Variants in RNASEL observed in about 807,000 individuals in gnomAD.
The protein encoded by RNASEL is ribonuclease L.
RNASEL carries 36 observed loss-of-function variants against 50.9 expected under a neutral mutation model. The ratio of observed to expected loss-of-function variants is 0.71; its 90% CI spans 0.54 to 0.93. The LOEUF (loss-of-function observed/expected upper bound fraction) is 0.93, where lower values mean the gene tolerates loss of function less well. Among genes scored for constraint, RNASEL ranks in the 40% least tolerant of loss-of-function variants. RNASEL has a pLI of 0.00. For synonymous variants in RNASEL, 335 were observed against 335.6 expected (o/e 1.00, Z 0.02); for missense variants, 860 against 894.5 (o/e 0.96, Z 0.49).
chr1:182,584,878 G>A (rs754304044), intron 2 of RNASEL, among the ~76,000 whole-genome samples: 2 of 152,108 alleles, frequency 1.3e-5, no homozygotes, highest in Non-Finnish European at 2.9e-5. Context: ...GTTTGGCTTG[G>A]ACTAGTGGAT....
At position 182,586,266 on chromosome 1, in the gene RNASEL, C is replaced by T. The variant is rs779087511; in HGVS notation, c.541G>A (p.Val181Ile). 6.8e-6 allele frequency: 11 copies of T among 1,614,084 alleles called. No individual in the cohort carries two copies. The highest frequency in any genetic ancestry group is 9.3e-6 in the Non-Finnish European group (11 of 1,180,044). ...ALMDAAEKGH[V>I]EVLKILLDEM... ...TCAAGGAGAATCTTCAAGACCTCTA[C>T]GTGTCCTTTTTCAGCAGCGTCCATG... Residue 181 changes from valine to isoleucine, a missense_variant, in exon 2 of 7, where the codon GTA becomes ATA. By Grantham distance (29) the Val-to-Ile change is conservative. Coordinates refer to ENST00000367559, the MANE Select transcript of RNASEL (RefSeq NM_021133.4).
chr1:182,576,863 C>G (rs1377238834), intron 5 of RNASEL: 1 of 151,696 alleles, frequency 6.6e-6, no homozygotes, highest in African/African-American at 2.4e-5. Context: ...CAGAGCAAGA[C>G]TCCATCTCAA....
chr1:182,584,228 T>C, intron 2 of RNASEL, 62 bp from the exon 3 acceptor site: 1 of 1,049,216 alleles, frequency 9.5e-7, no homozygotes, highest in Non-Finnish European at 1.5e-6. Context: ...GAGAGTCAAT[T>C]GATTTATATA....
chr1:182,586,021 C>G lies in RNASEL; in HGVS notation c.786G>C (p.Glu262Asp). Reference protein sequence around the residue: ...LGLVQRLLEQEHIEINDTDSD... With the variant: ...LGLVQRLLEQDHIEINDTDSD... ...TGTCTGTGTCATTAATCTCTATGTGCTCTTGCTCCAGAAGCCTCTGCACCA... is the reference window on the plus strand; with the variant it reads ...TGTCTGTGTCATTAATCTCTATGTGGTCTTGCTCCAGAAGCCTCTGCACCA... The change falls in exon 2 of 7, where the codon GAG (glutamate) becomes GAC (aspartate). Residue 262 changes from glutamate to aspartate, a missense_variant. Physicochemically the swap from Glu to Asp is conservative, Grantham distance 45. Coordinates refer to ENST00000367559, the MANE Select transcript of RNASEL (RefSeq NM_021133.4). 6.2e-7 allele frequency: 1 copy of G among 1,614,084 alleles called. No individual in the cohort carries two copies. The highest frequency in any genetic ancestry group is 8.5e-7 in the Non-Finnish European group (1 of 1,180,022).
At position 182,574,681 on chromosome 1, in the gene RNASEL, A is replaced by C. The variant is rs1360623556; in HGVS notation, c.*711T>G. 1 of 232,594 alleles carries C rather than the reference A, an allele frequency of 4.3e-6. No individual in the cohort carries two copies. Among genetic ancestry groups the C allele is most frequent in the Admixed American group, 5.6e-5 (1 of 17,724 alleles). 14.4% of individuals were successfully genotyped at this position (232,594 alleles called of 1,614,324 possible). On this transcript the variant is annotated 3_prime_UTR_variant, in exon 7 of 7. Coordinates refer to ENST00000367559, the MANE Select transcript of RNASEL (RefSeq NM_021133.4). ...CTCCCCACAAAGCTGTGACACCAAA[A>C]ACTTCTTCAGACTCTGCCAAATGCT...
intron 3 of RNASEL, 73 bp downstream of exon 3, chr1:182,584,008 A>C: frequency 9.1e-6 from 10 of 1,100,118 alleles, no homozygotes; most frequent in Non-Finnish European, 1.4e-5. Context: ...CTGTCCCTCT[A>C]GAGAACCCTG....
chr1:182,581,473 C>CTTTTTTTTTTTTTTTTTTTTTTTT (rs1011639686), intron 4 of RNASEL, 116 bp from the exon 5 acceptor site: 1 of 219,280 alleles, frequency 4.6e-6, no homozygotes. Context: ...GTTTTTCTTT[C>CTTTTTTTTTTTTTTTTTTTTTTTT]TTTTTTTTTT....
chr1:182,582,218 C>T lies in RNASEL; in HGVS notation c.1607G>A (p.Ser536Asn), dbSNP rs371715795. Residue 536 changes from serine (S) to asparagine (N), a missense_variant, in exon 4 of 7, where the codon AGC becomes AAC. Transcript: ENST00000367559. ...RLVLYVVKKG[S>N]ISFEDLKAQS... Reference sequence around the variant, plus strand: ...AGCTTTCAGATCCTCAAATGAGATGCTTCCCTTCTTTACCACATAGAGGAC... The same window carrying T: ...AGCTTTCAGATCCTCAAATGAGATGTTTCCCTTCTTTACCACATAGAGGAC... 5 of 1,614,028 alleles carry T rather than the reference C, an allele frequency of 3.1e-6. No homozygotes were observed. In the African/African-American group the frequency reaches 4.0e-5, roughly 13 times the overall value.
intron 5 of RNASEL, chr1:182,576,815 A>T (rs6424863): frequency 1 from 166,718 of 166,718 alleles, 83,359 homozygotes; most frequent in Non-Finnish European, 1. Context: ...GAGGTTGCAG[A>T]GAGCTGAGAT....
intron 3 of RNASEL, among the ~76,000 whole-genome samples, chr1:182,582,779 C>G (rs1196950622): frequency 1.3e-5 from 2 of 152,174 alleles, no homozygotes; most frequent in East Asian, 3.9e-4. Context: ...AAGGAGGGAG[C>G]TGAAATCTGA....
chr1:182,573,760 T>C lies in RNASEL; in HGVS notation c.*1632A>G, dbSNP rs1661334857. 1.1e-5 allele frequency: 2 copies of C among 185,000 alleles called. No homozygotes were observed. Among genetic ancestry groups the C allele is most frequent in the East Asian group, 1.8e-4 (2 of 11,320 alleles). The allele number at this position is 185,000 out of a possible 1,614,324, so 11.5% of individuals were successfully genotyped here. A position where few individuals can be genotyped will look rare whatever the true frequency, so the allele number is the denominator to read the frequency against. ...AAAGTTAAAGCAATCTTGCTGCTCA[T>C]AAAGTATTTTTTAAGCCTTAAATTT... is the stretch of plus-strand genomic sequence containing the variant. On this transcript the variant is annotated 3_prime_UTR_variant, in exon 7 of 7. Transcript: ENST00000367559.
At position 182,574,275 on chromosome 1, in the gene RNASEL, C is replaced by G; in HGVS notation, c.*1117G>C. 4.4e-6 allele frequency: 1 copy of G among 225,822 alleles called. No individual in the cohort carries two copies. The highest frequency in any genetic ancestry group is 8.8e-6 in the Non-Finnish European group (1 of 113,518). The allele number at this position is 225,822 out of a possible 1,614,324, so 14.0% of individuals were successfully genotyped here. ...AAAGACAGCCATCGCCCGTGAGGAGCCTACATTCCAGTGGAGGAACCAAAA... is the reference window on the plus strand; with the variant it reads ...AAAGACAGCCATCGCCCGTGAGGAGGCTACATTCCAGTGGAGGAACCAAAA... On this transcript the variant is annotated 3_prime_UTR_variant, in exon 7 of 7. Coordinates refer to ENST00000367559, the MANE Select transcript of RNASEL (RefSeq NM_021133.4).
rs1661444813 is a variant in RNASEL, at chr1:182,579,172, C to T, written c.1905+2053G>A. 4.5e-6 allele frequency: 4 copies of T among 897,624 alleles called. No homozygotes were observed. The Admixed American group carries it at 1.9e-4, about 42-fold the overall frequency. 55.6% of individuals were successfully genotyped at this position (897,624 alleles called of 1,614,324 possible). A position where few individuals can be genotyped will look rare whatever the true frequency, so the allele number is the denominator to read the frequency against. On this transcript the variant is annotated intron_variant, in intron 5 of 6. Coordinates refer to ENST00000367559, the MANE Select transcript of RNASEL (RefSeq NM_021133.4). ...TTACACTAAAAGCCCAACTTTACCA[C>T]TACACAATATATCCATGTAACAAAA...
intron 5 of RNASEL, chr1:182,576,763 T>G (rs879858547): frequency 4.8e-5 from 9 of 188,010 alleles, no homozygotes; most frequent in Non-Finnish European, 7.7e-5. Context: ...TCCCAGCTAC[T>G]TGGGAGACTG....
At chr1:182,582,756 C>T (rs1379151153) in intron 3 of RNASEL, among the ~76,000 whole-genome samples, 5 of 152,184 alleles carry the variant, frequency 3.3e-5, no homozygotes, top group Admixed American at 3.3e-4. Context: ...ACTCTTTGCA[C>T]TAGCCACCAG....
chr1:182,585,520 G>A lies in RNASEL; in HGVS notation c.1287C>T (p.His429=), dbSNP rs2102370111. The A allele has an allele frequency of 1.2e-6, 2 of 1,614,118 alleles. No individual in the cohort carries two copies. The highest frequency in any genetic ancestry group is 8.5e-7 in the Non-Finnish European group (1 of 1,180,020). The change falls in exon 2 of 7, where the codon CAC becomes CAT. Residue 429 remains histidine, a synonymous_variant. Coordinates refer to ENST00000367559, the MANE Select transcript of RNASEL (RefSeq NM_021133.4). ...CACAGAGGGTGACACACACAAACAA[G>A]TGGCCCCTGTGGCTCTCACTCCCAT... is the stretch of plus-strand genomic sequence containing the variant. The part of the protein sequence containing the change: ...TFYGSESHRG[H]LFVCVTLCEQ...
At chr1:182,581,469 CTTTCTTT>C in intron 4 of RNASEL, 112 bp from the exon 5 acceptor site, 1 of 319,228 alleles carries the variant, frequency 3.1e-6, no homozygotes, top group Admixed American at 6.2e-5. Flanking sequence ...CTTGGTTTTT[CTTTCTTT>C]TTTTTTTTTT....
rs1376540253 is a variant in RNASEL, at chr1:182,586,782, G to T, written c.25C>A (p.Pro9Thr). 1.2e-6 allele frequency: 2 copies of T among 1,614,240 alleles called. No individual in the cohort carries two copies. The highest frequency in any genetic ancestry group is 2.2e-5 in the East Asian group (1 of 44,886). ...CTGGAGGACGTGGGTCCCTCCTGGG[G>T]GTTGTTATGATCCCTGCTCTCCATG... MESRDHNN[P>T]QEGPTSSSGR... Residue 9 changes from proline to threonine, a missense_variant, in exon 2 of 7, where the codon CCC becomes ACC. Transcript: ENST00000367559.
chr1:182,575,099 G>T lies in RNASEL; in HGVS notation c.*293C>A. The T allele has an allele frequency of 2.3e-6, 1 of 432,220 alleles. No individual in the cohort carries two copies. Among genetic ancestry groups the T allele is most frequent in the South Asian group, 3.2e-5 (1 of 30,902 alleles). 26.8% of individuals were successfully genotyped at this position (432,220 alleles called of 1,614,324 possible). On this transcript the variant is annotated 3_prime_UTR_variant, in exon 7 of 7. Transcript: ENST00000367559. ...ATTGGGAAAATTAAGTGAGAGAATT[G>T]TAACATATGCAGCATTAGGGGTCAA...
Sources: gnomAD v4.1 joint callset for allele counts (sites outside exome capture counted in the v4.1 genomes callset) on GRCh38, gnomAD v4.1.1 for gene constraint, MANE v1.5 for transcripts, NCBI Gene and HGNC (gene_info 2026-07-23, HGNC 2026-07-21) for gene names.